The following IGDCC4 variants were observed in gnomAD, a reference collection of about 807,000 sequenced individuals.
IGDCC4 encodes the protein likely ortholog of mouse neighbor of Punc E11.
A neutral mutation model predicts 116.6 loss-of-function variants in IGDCC4; 72 were observed. The observed-to-expected ratio is 0.62, with a 90% CI of 0.51 to 0.75. IGDCC4 has a LOEUF of 0.75. IGDCC4 is among the 30% of genes least tolerant of loss of function. The pLI, the probability that IGDCC4 is intolerant of heterozygous loss-of-function variation, is 0.00. For synonymous variants in IGDCC4, 709 were observed against 719.9 expected, an observed-to-expected ratio of 0.98 and a Z score of 0.24; for missense variants, 1,501 against 1,662.4, an observed-to-expected ratio of 0.90 and a Z score of 1.69.
chr15:65,402,657 C>T (rs1251182262), intron 3 of IGDCC4, among the ~76,000 whole-genome samples, 170 bp from the exon 4 acceptor site: 2 of 152,096 alleles, frequency 1.3e-5, no homozygotes, highest in Non-Finnish European at 2.9e-5. Flanking sequence ...CACATGAGGT[C>T]GGGAGTTCGA....
intron 5 of IGDCC4, among the ~76,000 whole-genome samples, chr15:65,398,527 C>G (rs1469555143): frequency 9.6e-6 from 1 of 104,502 alleles, no homozygotes; most frequent in African/African-American, 4.6e-5. Flanking sequence ...GAGCAAAACT[C>G]CATCTCAAAA....
Position 65,411,087 on chromosome 15 carries a change from G to A in IGDCC4, c.354C>T (p.Asn118=), listed in dbSNP as rs750063809. Residue 118 remains asparagine (N), a synonymous_variant, in exon 2 of 20, where the codon AAC becomes AAT. Transcript: ENST00000352385. The part of the protein sequence containing the change: ...VPEAVGVIEG[N]YSCLAHGPLG... Reference sequence around the variant, plus strand: ...GGGGGCCGTGGGCTAGGCACGAATAGTTGCCTTCAATGACCCCCACAGCCT... The same window carrying A: ...GGGGGCCGTGGGCTAGGCACGAATAATTGCCTTCAATGACCCCCACAGCCT... The A allele has an allele frequency of 2.5e-6, 4 of 1,614,100 alleles. No homozygotes were observed. In the East Asian group the frequency reaches 8.9e-5, roughly 36 times the overall value.
At chr15:65,396,491 G>A in intron 6 of IGDCC4, 1 of 560,890 alleles carries the variant, frequency 1.8e-6, no homozygotes, top group Non-Finnish European at 3.2e-6. Flanking sequence ...CCTCCCATAT[G>A]TCCCACACCT....
chr15:65,396,141 C>A lies in IGDCC4; in HGVS notation c.1020G>T (p.Ala340=), dbSNP rs1193496094. The change falls in exon 7 of 20, where the codon GCG becomes GCT. Residue 340 remains alanine (A), a synonymous_variant. Transcript: ENST00000352385. ...CCCGCGTCCGCGACAGCGCCTCGGG[C>A]GCCTGAGTGATGGCGGGAGCCGCTA... ...RVLAAPAITQ[A]PEALSRTRAS... 2.7e-6 allele frequency: 4 copies of A among 1,475,796 alleles called. No individual in the cohort carries two copies. Among genetic ancestry groups the A allele is most frequent in the East Asian group, 2.8e-5 (1 of 36,108 alleles). 91.4% of individuals were successfully genotyped at this position (1,475,796 alleles called of 1,614,324 possible).
At chr15:65,400,769 C>T in intron 5 of IGDCC4, 37 bp downstream of exon 5, 1 of 1,560,892 alleles carries the variant, frequency 6.4e-7, no homozygotes, top group Non-Finnish European at 8.7e-7. Context: ...ACATCCCTCC[C>T]TTCCCATGCC....
At position 65,421,521 on chromosome 15, in the gene IGDCC4, C is replaced by G. The variant is rs376972138; in HGVS notation, c.70+1272G>C. On this transcript the variant is annotated intron_variant, in intron 1 of 19. Coordinates refer to ENST00000352385, the MANE Select transcript of IGDCC4 (RefSeq NM_020962.3). ...TGTCTTTGTAGGGACAGAAGGGGTCCGAGGAGTTCCCGGCACTTTCCCACC... is the reference window on the plus strand; with the variant it reads ...TGTCTTTGTAGGGACAGAAGGGGTCGGAGGAGTTCCCGGCACTTTCCCACC... Among the ~76,000 whole-genome samples the G allele has an allele frequency of 2.0e-5, 3 of 152,170 alleles. No individual in the cohort carries two copies. The East Asian group carries it at 5.8e-4, about 29-fold the overall frequency.
At chr15:65,409,281 C>T (rs577088361) in intron 3 of IGDCC4, among the ~76,000 whole-genome samples, 1 of 152,254 alleles carries the variant, frequency 6.6e-6, no homozygotes, top group East Asian at 1.9e-4. Context: ...ACACAGGCAA[C>T]AGAAGGTTGG....
Position 65,384,229 on chromosome 15 carries a change from G to T in IGDCC4, c.3533C>A (p.Ala1178Asp). 1.2e-6 allele frequency: 2 copies of T among 1,600,178 alleles called. No individual in the cohort carries two copies. Among genetic ancestry groups the T allele is most frequent in the Non-Finnish European group, 1.7e-6 (2 of 1,170,148 alleles). The change falls in exon 20 of 20, where the codon GCC becomes GAC. Residue 1178 changes from alanine (A) to aspartate (D), a missense_variant. Coordinates refer to ENST00000352385, the MANE Select transcript of IGDCC4 (RefSeq NM_020962.3). The surrounding 1 kb of genome is among the most constrained non-coding windows in gnomAD (Gnocchi z 4.9). ...CCCTCCCAACTCCCTGTCCAGCCAG[G>T]CTGCCCCCTGCCCTGGATCCCCAAC... ...SGVGDPGQGA[A>D]WLDRELGGCE...
At position 65,395,076 on chromosome 15, in the gene IGDCC4, C is replaced by G. The variant is rs371039661; in HGVS notation, c.1576+18G>C. ...TCTCTTTACCCCAAGCTGCCCACTG[C>G]GAGTTCAGAGGCCCTACCATCATCC... On this transcript the variant is annotated intron_variant, in intron 8 of 19. Coordinates refer to ENST00000352385, the MANE Select transcript of IGDCC4 (RefSeq NM_020962.3). 6.3e-7 allele frequency: 1 copy of G among 1,587,598 alleles called. No homozygotes were observed. Among genetic ancestry groups the G allele is most frequent in the Non-Finnish European group, 8.6e-7 (1 of 1,160,306 alleles).
chr15:65,412,241 C>T (rs2140235112), intron 1 of IGDCC4, among the ~76,000 whole-genome samples: 1 of 151,868 alleles, frequency 6.6e-6, no homozygotes, highest in South Asian at 2.1e-4. Flanking sequence ...TGGCTGGGTG[C>T]AGTGGCTCAC....
chr15:65,420,477 T>C (rs1284153683), intron 1 of IGDCC4, among the ~76,000 whole-genome samples: 4 of 152,146 alleles, frequency 2.6e-5, no homozygotes, highest in African/African-American at 7.2e-5. Context: ...TGGAATGAGA[T>C]GATGCAAAGC....
intron 8 of IGDCC4, 86 bp downstream of exon 8, chr15:65,395,008 T>C: frequency 1.4e-6 from 2 of 1,437,690 alleles, no homozygotes; most frequent in Non-Finnish European, 9.4e-7. Context: ...TAAAAATGCC[T>C]TTACATTAGT....
At chr15:65,399,072 G>A (rs879863323) in intron 5 of IGDCC4, among the ~76,000 whole-genome samples, 18 of 152,078 alleles carry the variant, frequency 1.2e-4, no homozygotes, top group Admixed American at 7.9e-4. Context: ...CTGTGCACAC[G>A]AATCACAGAT....
chr15:65,412,176 G>A (rs980390788), intron 1 of IGDCC4, among the ~76,000 whole-genome samples: 4 of 151,982 alleles, frequency 2.6e-5, no homozygotes, highest in Admixed American at 6.6e-5. Context: ...CCACGATCAC[G>A]ACACTGCACT....
intron 6 of IGDCC4, 88 bp from the exon 7 acceptor site, chr15:65,396,251 GCCCTC>G: frequency 9.9e-7 from 1 of 1,013,788 alleles, no homozygotes; most frequent in Non-Finnish European, 1.2e-6. Context: ...GCCCCCCACC[GCCCTC>G]CCTCGCTCCC....
intron 1 of IGDCC4, among the ~76,000 whole-genome samples, chr15:65,417,839 G>A (rs527566849): frequency 2.8e-4 from 42 of 152,046 alleles, no homozygotes; most frequent in Non-Finnish European, 4.4e-4. Context: ...CAAGTGATCC[G>A]CCCACCTTGG....
intron 1 of IGDCC4, among the ~76,000 whole-genome samples, chr15:65,418,331 T>C (rs2063161800): frequency 6.6e-6 from 1 of 151,852 alleles, no homozygotes; most frequent in African/African-American, 2.4e-5. Context: ...GCTCATATGG[T>C]TAAAAAATTT....
chr15:65,415,366 C>T (rs767858055), intron 1 of IGDCC4, among the ~76,000 whole-genome samples: 31 of 152,338 alleles, frequency 2.0e-4, no homozygotes, highest in Middle Eastern at 3.4e-3. Flanking sequence ...GCAGGCAGGA[C>T]GGCCGCCAGA....
chr15:65,383,104 C>G lies in IGDCC4; in HGVS notation c.*905G>C, dbSNP rs1176933201. The G allele has an allele frequency of 6.5e-6, 1 of 152,918 alleles. No individual in the cohort carries two copies. Among genetic ancestry groups the G allele is most frequent in the African/African-American group, 2.4e-5 (1 of 41,400 alleles). 9.5% of individuals were successfully genotyped at this position (152,918 alleles called of 1,614,324 possible). ...GAAGAGGAGGCAGGAGGATGGCAGG[C>G]GAGTGCGCGGCAGCCGCGGATACAG... is the stretch of plus-strand genomic sequence containing the variant. On this transcript the variant is annotated 3_prime_UTR_variant, in exon 20 of 20. Coordinates refer to ENST00000352385, the MANE Select transcript of IGDCC4 (RefSeq NM_020962.3).
Sources: allele counts gnomAD v4.1 joint callset (sites outside exome capture counted in the v4.1 genomes callset), GRCh38; gene constraint gnomAD v4.1.1; non-coding constraint Gnocchi (gnomAD v3.1); transcripts MANE v1.5; gene names NCBI Gene and HGNC (gene_info 2026-07-23, HGNC 2026-07-21).